GPM6A: variants seen among roughly 807,000 people sequenced by gnomAD.
GPM6A encodes neuronal membrane glycoprotein M6-a.
GPM6A carries 7 observed loss-of-function variants against 32.1 expected under a neutral mutation model. That is an observed-to-expected ratio of 0.22 (90% CI 0.12 to 0.41). The LOEUF is 0.41. Ranked by LOEUF, GPM6A falls within the 10% of genes least tolerant of loss-of-function variation. The pLI, the probability that GPM6A is intolerant of heterozygous loss-of-function variation, is 1.00. For synonymous variants in GPM6A, 130 were observed against 123.4 expected, an observed-to-expected ratio of 1.05 and a Z score of -0.35; for missense variants, 235 against 347.2, an observed-to-expected ratio of 0.68 and a Z score of 2.57.
intron 1 of GPM6A, among the ~76,000 whole-genome samples, chr4:175,914,949 C>T (rs1451764243): frequency 6.6e-6 from 1 of 152,102 alleles, no homozygotes; most frequent in Non-Finnish European, 1.5e-5. Flanking sequence ...TGGCACAGCG[C>T]ACATGCTCAA....
intron 1 of GPM6A, among the ~76,000 whole-genome samples, chr4:175,897,712 ACT>A (rs1579607815): frequency 1.3e-5 from 2 of 152,098 alleles, no homozygotes; most frequent in East Asian, 3.9e-4. Context: ...TTAGTACTAG[ACT>A]CTACACTCCT....
intron 4 of GPM6A, 36 bp downstream of exon 4, chr4:175,651,798 G>A (rs1560852761): frequency 6.5e-7 from 1 of 1,543,716 alleles, no homozygotes; most frequent in Non-Finnish European, 8.9e-7. Context: ...AATATGGGAT[G>A]GTGTTTTACA....
chr4:175,977,863 T>A (rs1277713617), intron 1 of GPM6A, among the ~76,000 whole-genome samples: 2 of 152,178 alleles, frequency 1.3e-5, no homozygotes, highest in Non-Finnish European at 2.9e-5. Context: ...GACTCCCAAC[T>A]GAACTCTTTT....
intron 1 of GPM6A, among the ~76,000 whole-genome samples, chr4:175,957,595 G>C (rs982307606): frequency 1.1e-4 from 16 of 152,050 alleles, no homozygotes; most frequent in Non-Finnish European, 1.9e-4. Flanking sequence ...GATAGCATTA[G>C]GAGAAATACG....
intron 4 of GPM6A, among the ~76,000 whole-genome samples, chr4:175,650,379 A>T (rs1460159589): frequency 1.3e-5 from 2 of 151,704 alleles, no homozygotes; most frequent in Non-Finnish European, 2.9e-5. Flanking sequence ...ATCTCAGCTC[A>T]CTACAACCTC....
chr4:175,716,582 A>G (rs1745855608), intron 1 of GPM6A, among the ~76,000 whole-genome samples: 1 of 152,202 alleles, frequency 6.6e-6, no homozygotes, highest in Admixed American at 6.5e-5. Context: ...TGTTTTGTTA[A>G]TGACACAATG....
intron 1 of GPM6A, among the ~76,000 whole-genome samples, chr4:175,864,360 GTTTCA>G (rs1736666402): frequency 6.6e-6 from 1 of 152,054 alleles, no homozygotes; most frequent in Non-Finnish European, 1.5e-5. Flanking sequence ...TAGAGACAGG[GTTTCA>G]CCAGTTTGCC....
chr4:175,817,647 A>G lies in GPM6A; in HGVS notation c.-22-5398T>C, dbSNP rs977740522. On this transcript the variant is annotated intron_variant, in intron 1 of 7. Transcript: ENST00000280187. ...CAAAGGAGATGAAATTAGATGGGAA[A>G]AAAGGGGGAGGCAGATTGTTGGGGA... Among the ~76,000 whole-genome samples the G allele has an allele frequency of 1.8e-4, 28 of 152,332 alleles. No individual in the cohort carries two copies. In the East Asian group the frequency reaches 4.4e-3, roughly 24 times the overall value.
upstream of GPM6A, chr4:175,812,337 T>TTTTTTG: frequency 3.0e-6 from 4 of 1,346,906 alleles, no homozygotes; most frequent in Non-Finnish European, 3.9e-6. Flanking sequence ...TTTTTTTTTT[T>TTTTTTG]TTTCCTGGGA....
chr4:175,962,457 C>A lies in GPM6A; in HGVS notation c.-23+39852G>T, dbSNP rs138139809. ...CCACCAACCTAGGACAATAAGGCAACCTTTTTTGCTTCTCCAATGCGCAAG... is the reference window on the plus strand; with the variant it reads ...CCACCAACCTAGGACAATAAGGCAAACTTTTTTGCTTCTCCAATGCGCAAG... On this transcript the variant is annotated intron_variant, in intron 1 of 7. Coordinates refer to the GPM6A transcript ENST00000280187. 1,578 of 657,900 alleles carry A rather than the reference C, an allele frequency of 2.4e-3. 19 individuals carry two copies. In the African/African-American group the frequency reaches 0.025, roughly 10 times the overall value. The allele number at this position is 657,900 out of a possible 1,614,324, so 40.8% of individuals were successfully genotyped here. A position where few individuals can be genotyped will look rare whatever the true frequency, so the allele number is the denominator to read the frequency against.
At chr4:175,667,365 C>T (rs1742807356) in intron 3 of GPM6A, among the ~76,000 whole-genome samples, 1 of 152,078 alleles carries the variant, frequency 6.6e-6, no homozygotes, top group African/African-American at 2.4e-5. Flanking sequence ...AGTGCATTTA[C>T]AAAATGTATT....
intron 1 of GPM6A, among the ~76,000 whole-genome samples, chr4:175,946,284 A>G (rs1739603122): frequency 6.6e-6 from 1 of 152,226 alleles, no homozygotes; most frequent in African/African-American, 2.4e-5. Context: ...TTTTAAACAA[A>G]TAACACTGAT....
chr4:175,723,591 A>G (rs986528992), intron 1 of GPM6A, among the ~76,000 whole-genome samples: 9 of 152,266 alleles, frequency 5.9e-5, no homozygotes, highest in African/African-American at 1.9e-4. Flanking sequence ...AGTTCCAGAA[A>G]TTGAACTCAT....
chr4:175,659,806 A>T (rs1235640192), intron 3 of GPM6A, among the ~76,000 whole-genome samples: 2 of 152,194 alleles, frequency 1.3e-5, no homozygotes, highest in African/African-American at 4.8e-5. Context: ...AGTGCCTGGG[A>T]CACAGTAGAC....
chr4:175,719,075 T>G (rs539547982), intron 1 of GPM6A, among the ~76,000 whole-genome samples: 2 of 152,346 alleles, frequency 1.3e-5, no homozygotes, highest in South Asian at 4.1e-4. Context: ...GATAGATTTT[T>G]AATGCAATCT....
At chr4:175,753,678 T>TA (rs978443235) in intron 1 of GPM6A, among the ~76,000 whole-genome samples, 1 of 152,178 alleles carries the variant, frequency 6.6e-6, no homozygotes, top group Non-Finnish European at 1.5e-5. Context: ...TATTTTAAAC[T>TA]AACAGCCTCC....
intron 1 of GPM6A, among the ~76,000 whole-genome samples, chr4:175,784,482 T>C (rs1438676748): frequency 6.6e-6 from 1 of 152,176 alleles, no homozygotes; most frequent in Non-Finnish European, 1.5e-5. Flanking sequence ...TAATGTATGA[T>C]GGTTATGTAA....
chr4:175,720,900 C>T (rs1297323501), intron 1 of GPM6A, among the ~76,000 whole-genome samples: 1 of 151,716 alleles, frequency 6.6e-6, no homozygotes, highest in Non-Finnish European at 1.5e-5. Context: ...TTGGCTGTAA[C>T]TGGTCGCTGC....
intron 1 of GPM6A, among the ~76,000 whole-genome samples, chr4:175,746,073 C>A (rs1732090840): frequency 6.6e-6 from 1 of 152,124 alleles, no homozygotes; most frequent in Non-Finnish European, 1.5e-5. Context: ...ATCAATTCAT[C>A]ACCTGCTAAA....
Sources: allele counts gnomAD v4.1 joint callset (sites outside exome capture counted in the v4.1 genomes callset), GRCh38; gene constraint gnomAD v4.1.1; transcripts MANE v1.5; gene names NCBI Gene and HGNC (gene_info 2026-07-23, HGNC 2026-07-21).